RIMKLB: variants seen among roughly 807,000 people sequenced by gnomAD.
RIMKLB encodes beta-citrylglutamate synthase B.
RIMKLB carries 7 observed loss-of-function variants against 32.0 expected under a neutral mutation model. That is an observed-to-expected ratio of 0.22 (90% CI 0.12 to 0.41). RIMKLB has a LOEUF of 0.41. RIMKLB is among the 10% of genes least tolerant of loss of function. The probability of loss-of-function intolerance (pLI) is 1.00; values close to 1 mark genes in which losing one functional copy is unlikely to be tolerated. For synonymous variants in RIMKLB, 172 were observed against 185.1 expected (o/e 0.93, Z 0.57); for missense variants, 289 against 498.7 (o/e 0.58, Z 4.00).
At chr12:8,759,223 C>T (rs1338238321) in intron 5 of RIMKLB, among the ~76,000 whole-genome samples, 3 of 152,014 alleles carry the variant, frequency 2.0e-5, no homozygotes, top group Non-Finnish European at 4.4e-5. Flanking sequence ...GGTGAAACCC[C>T]ATCTCTACTA....
At chr12:8,726,376 T>A (rs899402695) in intron 2 of RIMKLB, among the ~76,000 whole-genome samples, 1 of 152,226 alleles carries the variant, frequency 6.6e-6, no homozygotes, top group Non-Finnish European at 1.5e-5. Context: ...TTCTGCCCGT[T>A]TTTTTAGCTG....
chr12:8,763,545 C>A (rs760663028), intron 5 of RIMKLB, among the ~76,000 whole-genome samples: 1 of 152,330 alleles, frequency 6.6e-6, no homozygotes, highest in South Asian at 2.1e-4. Context: ...TGAGGATAAG[C>A]CAATATAGGC....
intron 5 of RIMKLB, among the ~76,000 whole-genome samples, chr12:8,761,516 G>A (rs1591958693): frequency 6.6e-6 from 1 of 152,026 alleles, no homozygotes; most frequent in Non-Finnish European, 1.5e-5. Flanking sequence ...TTTATATACC[G>A]ATCATTGCCC....
chr12:8,771,150 C>T (rs1172016744), intron 5 of RIMKLB, among the ~76,000 whole-genome samples: 1 of 152,038 alleles, frequency 6.6e-6, no homozygotes, highest in Non-Finnish European at 1.5e-5. Flanking sequence ...AATTGATAAC[C>T]ATGTAAAAAT....
At chr12:8,757,859 T>C (rs1949185156) in intron 5 of RIMKLB, among the ~76,000 whole-genome samples, 2 of 152,222 alleles carry the variant, frequency 1.3e-5, no homozygotes, top group South Asian at 2.1e-4. Flanking sequence ...TACCTTAGAA[T>C]TTCTCCTCAT....
At chr12:8,696,097 C>A (rs991625039), upstream of RIMKLB, among the ~76,000 whole-genome samples, 3 of 152,188 alleles carry the variant, frequency 2.0e-5, no homozygotes, top group Non-Finnish European at 4.4e-5. Context: ...GCAGTTACCA[C>A]GAATTGGATT....
Position 8,774,947 on chromosome 12 carries a change from A to ATCCT in RIMKLB, c.*1164_*1165insCCTT, listed in dbSNP as rs781456837. The stretch of plus-strand genomic sequence containing the variant: ...TTCCATCAACTAATCAAAAAGGATA[A>ATCCT]TTTAGAAAATGGAGCATGATGGGAA... On this transcript the variant is annotated 3_prime_UTR_variant, in exon 6 of 6. Coordinates refer to ENST00000535829, the MANE Select transcript of RIMKLB (RefSeq NM_001297776.2). The ATCCT allele has an allele frequency of 9.6e-5, 95 of 985,710 alleles. No individual in the cohort carries two copies. The highest frequency in any genetic ancestry group is 1.0e-4 in the Non-Finnish European group (85 of 829,922). 61.1% of individuals were successfully genotyped at this position (985,710 alleles called of 1,614,324 possible).
At chr12:8,694,450 C>T (rs2136595381), upstream of RIMKLB, among the ~76,000 whole-genome samples, 1 of 133,886 alleles carries the variant, frequency 7.5e-6, no homozygotes, top group African/African-American at 2.8e-5. Context: ...GGATGGAGTG[C>T]ACTGGCCCAA....
chr12:8,738,101 G>A (rs2137433848), intron 2 of RIMKLB, among the ~76,000 whole-genome samples: 1 of 152,250 alleles, frequency 6.6e-6, no homozygotes, highest in African/African-American at 2.4e-5. Context: ...TGCTTAAATT[G>A]TCAGGGTTAG....
chr12:8,777,564 C>T, downstream of RIMKLB: 12 of 1,278,946 alleles, frequency 9.4e-6, no homozygotes, highest in Non-Finnish European at 1.2e-5. Context: ...ATTCTAACTG[C>T]TTGCACTGTT....
intron 5 of RIMKLB, among the ~76,000 whole-genome samples, chr12:8,754,367 AAAGTT>A (rs1343542216): frequency 1.3e-5 from 2 of 152,206 alleles, no homozygotes; most frequent in African/African-American, 4.8e-5. Context: ...TTATCTGACA[AAAGTT>A]AAGAGATTCC....
intron 2 of RIMKLB, among the ~76,000 whole-genome samples, chr12:8,745,693 CTT>C (rs754631863): frequency 8.1e-4 from 110 of 135,932 alleles, no homozygotes; most frequent in Non-Finnish European, 7.5e-4. Context: ...TGCACCCAGC[CTT>C]TTTTTTTTTT....
At chr12:8,699,713 A>G (rs994929226) in intron 1 of RIMKLB, 1 of 152,230 alleles carries the variant, frequency 6.6e-6, no homozygotes, top group African/African-American at 2.4e-5. Flanking sequence ...TAGTTTGGCA[A>G]CATGGCTGTT....
chr12:8,674,703 C>A, the RIMKLB span, among the ~76,000 whole-genome samples: 1 of 151,478 alleles, frequency 6.6e-6, no homozygotes, highest in African/African-American at 2.4e-5. Context: ...GCATGTGACA[C>A]CATGCCCAAC....
At chr12:8,705,297 C>A (rs1351997177) in intron 1 of RIMKLB, among the ~76,000 whole-genome samples, 1 of 151,660 alleles carries the variant, frequency 6.6e-6, no homozygotes, top group East Asian at 1.9e-4. Context: ...GCCAACATGG[C>A]GAAACTCCAT....
chr12:8,728,946 C>T (rs946045411), intron 2 of RIMKLB, among the ~76,000 whole-genome samples: 2 of 152,124 alleles, frequency 1.3e-5, no homozygotes, highest in African/African-American at 4.8e-5. Flanking sequence ...GCATGGGCTC[C>T]AGCAGGGGTG....
rs35269536 is a variant in RIMKLB, at chr12:8,723,804, C to CTTTTTTTTTT, written c.175+9778_175+9787dup. On this transcript the variant is annotated intron_variant, in intron 2 of 5. Transcript: ENST00000535829. ...ATTCTCATAGGCTTTCTTCAGTTCC[C>CTTTTTTTTTT]TTTTTTTTTTTTTTTTTTTTTTTTG... 2.8e-4 allele frequency among the ~76,000 whole-genome samples: 21 copies of CTTTTTTTTTT among 75,522 alleles called. 1 individual carries two copies. Among genetic ancestry groups the CTTTTTTTTTT allele is most frequent in the African/African-American group, 4.8e-4 (9 of 18,884 alleles). 49.5% of individuals were successfully genotyped at this position (75,522 alleles called of 152,430 possible).
chr12:8,776,389 A>C lies in RIMKLB; in HGVS notation c.*2605A>C. On this transcript the variant is annotated 3_prime_UTR_variant, in exon 6 of 6. Transcript: ENST00000535829. ...AGCAAATCATTCTGGAAGTACCTTA[A>C]GGAAACAAACAGCAGCAGATATTTA... The C allele has an allele frequency of 2.0e-6, 2 of 981,992 alleles. No individual in the cohort carries two copies. The highest frequency in any genetic ancestry group is 2.4e-6 in the Non-Finnish European group (2 of 826,782). 60.8% of individuals were successfully genotyped at this position (981,992 alleles called of 1,614,324 possible).
intron 2 of RIMKLB, among the ~76,000 whole-genome samples, chr12:8,748,811 C>T (rs544519769): frequency 9.9e-5 from 15 of 151,758 alleles, no homozygotes; most frequent in South Asian, 2.1e-4. Context: ...TGGTGGCGGA[C>T]GCCTGTAGTC....
Sources: allele counts gnomAD v4.1 joint callset (sites outside exome capture counted in the v4.1 genomes callset), GRCh38; gene constraint gnomAD v4.1.1; transcripts MANE v1.5; gene names NCBI Gene and HGNC (gene_info 2026-07-23, HGNC 2026-07-21).